MEG3: variants seen among roughly 807,000 people sequenced by gnomAD.
The protein encoded by MEG3 is maternally expressed 3.
upstream of MEG3, chr14:100,854,666 G>A (rs2038184113): frequency 6.6e-6 from 1 of 152,472 alleles, no homozygotes; most frequent in South Asian, 2.1e-4. Context: ...GGTCCAGACA[G>A]CCACATCCTA....
At chr14:100,834,826 G>T (rs941601736) in exon 1 of MEG3, 9 of 456,528 alleles carry the variant, frequency 2.0e-5, no homozygotes, top group Admixed American at 4.7e-5. Flanking sequence ...AGGTGCAAAG[G>T]CTGGAGGGTG....
chr14:100,838,327 G>T (rs80252096), intron 2 of MEG3, among the ~76,000 whole-genome samples: 2 of 152,252 alleles, frequency 1.3e-5, no homozygotes, highest in East Asian at 1.9e-4. Flanking sequence ...TGTATTTCAG[G>T]TACTCATGAG....
intron 2 of MEG3, among the ~76,000 whole-genome samples, chr14:100,840,872 C>T (rs749979463): frequency 8.5e-5 from 13 of 152,200 alleles, no homozygotes; most frequent in East Asian, 3.9e-4. Flanking sequence ...AAAGGCTGAC[C>T]GCATGTCTGC....
downstream of MEG3, chr14:100,831,204 C>T (rs1254042693): frequency 6.5e-6 from 1 of 152,978 alleles, no homozygotes; most frequent in African/African-American, 2.4e-5. Context: ...CCCAGGGAAA[C>T]AGAGGCTGTC....
intron 1 of MEG3, among the ~76,000 whole-genome samples, chr14:100,827,970 C>A (rs934870396): frequency 2.0e-5 from 3 of 152,106 alleles, no homozygotes; most frequent in African/African-American, 4.8e-5. Context: ...TCCTCTGGGG[C>A]TGGGGCCCGG....
intron 3 of MEG3, chr14:100,846,421 A>T (rs2037919467): frequency 6.6e-6 from 1 of 152,232 alleles, no homozygotes. Context: ...TAAACTTAAC[A>T]TTCACTGTGT....
intron 3 of MEG3, chr14:100,852,195 G>C (rs2038101312): frequency 2.6e-6 from 1 of 389,820 alleles, no homozygotes; most frequent in Non-Finnish European, 5.2e-6. Context: ...GGATGGGGCT[G>C]TTAGCTAGTG....
intron 3 of MEG3, chr14:100,851,489 C>G (rs907219773): frequency 6.6e-6 from 1 of 152,260 alleles, no homozygotes; most frequent in Non-Finnish European, 1.5e-5. Context: ...CCCCGGGACC[C>G]AGGAGCCCTG....
chr14:100,835,968 T>C (rs12890215), intron 1 of MEG3: 78,881 of 337,174 alleles, frequency 0.23, 9,938 homozygotes, highest in Admixed American at 0.32. Flanking sequence ...CCCCACTCAG[T>C]TCTGGATTTG....
chr14:100,827,770 G>T (rs2037283379), intron 1 of MEG3, among the ~76,000 whole-genome samples: 1 of 152,220 alleles, frequency 6.6e-6, no homozygotes, highest in Non-Finnish European at 1.5e-5. Flanking sequence ...GATGTCACAG[G>T]TTCTGTCTCT....
At chr14:100,846,764 A>C (rs951028858) in intron 3 of MEG3, 2 of 152,210 alleles carry the variant, frequency 1.3e-5, no homozygotes, top group Non-Finnish European at 2.9e-5. Flanking sequence ...AAACCAGTGA[A>C]TCACTAAGTA....
At chr14:100,834,796 TG>T (rs767659228) in exon 1 of MEG3, 1 of 456,724 alleles carries the variant, frequency 2.2e-6, no homozygotes. Context: ...AGCCACTAGC[TG>T]GGCCATGCGA....
rs549996984 is a variant in MEG3 at position 100,837,808 on chromosome 14, C to G, written n.3045+1508C>G. Among the ~76,000 whole-genome samples the G allele has an allele frequency of 6.6e-6, 1 of 152,108 alleles. No individual in the cohort carries two copies. The highest frequency in any genetic ancestry group is 1.5e-5 in the Non-Finnish European group (1 of 68,016). On this transcript the variant is annotated intron_variant and non_coding_transcript_variant, in intron 2 of 3. Coordinates refer to the MEG3 transcript ENST00000398461. This position sits in a 1 kb window ranked among gnomAD's most constrained non-coding sequence, Gnocchi z 5.8. Reference sequence around the variant, plus strand: ...ATGGGATGGGGATATTATTTTTAAACAAAATCTGGCAGCGTAGGCAGAGGG... The same window carrying G: ...ATGGGATGGGGATATTATTTTTAAAGAAAATCTGGCAGCGTAGGCAGAGGG...
chr14:100,832,916 G>C (rs948503731), downstream of MEG3: 1 of 152,264 alleles, frequency 6.6e-6, no homozygotes, highest in African/African-American at 2.4e-5. Context: ...GACTGGGGGG[G>C]CCACTGGTGA....
At chr14:100,840,084 G>A (rs981733380) in intron 2 of MEG3, among the ~76,000 whole-genome samples, 3 of 152,234 alleles carry the variant, frequency 2.0e-5, no homozygotes, top group African/African-American at 7.2e-5. Flanking sequence ...CACTGGGGCC[G>A]CCGTGGGCCT....
chr14:100,830,383 A>ACC (rs3222370), downstream of MEG3: 4 of 141,604 alleles, frequency 2.8e-5, no homozygotes, highest in African/African-American at 1.1e-4. Flanking sequence ...ACACACACAC[A>ACC]CCCCCTCGTG....
rs2037889052 is a variant in MEG3, at chr14:100,845,406, TC to T, written n.3046-51del. ...TTGTCCTCATCCGCCCTCCTCCTCC[TC>T]GCCGGCCTGAGTGAGGTTCTACTCT... is the stretch of plus-strand genomic sequence containing the variant. On this transcript the variant is annotated intron_variant and non_coding_transcript_variant, in intron 2 of 3. Coordinates refer to the MEG3 transcript ENST00000398461. The surrounding 1 kb of genome is among the most constrained non-coding windows in gnomAD (Gnocchi z 5.2). 20 of 430,924 alleles carry T rather than the reference TC, an allele frequency of 4.6e-5. No individual in the cohort carries two copies. The highest frequency in any genetic ancestry group is 3.1e-4 in the South Asian group (19 of 61,478). 26.7% of individuals were successfully genotyped at this position (430,924 alleles called of 1,614,324 possible).
chr14:100,834,766 G>A (rs1376071186), exon 1 of MEG3: 2 of 456,648 alleles, frequency 4.4e-6, no homozygotes, highest in Admixed American at 4.7e-5. Context: ...GTGAATGAAA[G>A]GACTCGACCA....
rs1156848736 is a variant in MEG3, at chr14:100,835,759, G to A, written n.2791G>A. 2.3e-5 allele frequency: 4 copies of A among 174,746 alleles called. No homozygotes were observed. In the South Asian group the frequency reaches 5.8e-4, roughly 26 times the overall value. The allele number at this position is 174,746 out of a possible 1,614,324, so 10.8% of individuals were successfully genotyped here. ...AGCAGGTTCCCAGTGCCCCCGACAA[G>A]CCCCTGCTGGTGTCTCCATCTCCTG... On this transcript the variant is annotated non_coding_transcript_exon_variant, in exon 1 of 4. Coordinates refer to the MEG3 transcript ENST00000398461.
Sources: gnomAD v4.1 joint callset for allele counts (sites outside exome capture counted in the v4.1 genomes callset) on GRCh38, gnomAD v4.1.1 for gene constraint, Gnocchi (gnomAD v3.1) non-coding constraint, MANE v1.5 for transcripts, NCBI Gene and HGNC (gene_info 2026-07-23, HGNC 2026-07-21) for gene names.